AGAP1: variants seen among roughly 807,000 people sequenced by gnomAD.
AGAP1 encodes the protein ArfGAP with GTPase domain, ankyrin repeat and PH domain 1, also known as arf-GAP with GTPase, ANK repeat and PH domain-containing protein 1.
In AGAP1, 29 loss-of-function variants were observed where a neutral mutation model predicts 105.3. The ratio of observed to expected loss-of-function variants is 0.28; its 90% CI spans 0.21 to 0.38. The LOEUF (loss-of-function observed/expected upper bound fraction) is 0.38. Ranked by LOEUF, AGAP1 falls within the 10% of genes least tolerant of loss-of-function variation. The pLI, the probability that AGAP1 is intolerant of heterozygous loss-of-function variation, is 1.00. For synonymous variants in AGAP1, 509 were observed against 485.9 expected (o/e 1.05, Z -0.63); for missense variants, 998 against 1,165.1 (o/e 0.86, Z 2.09).
chr2:235,965,806 A>G lies in AGAP1; in HGVS notation c.1484-2656A>G, dbSNP rs964545070. Among the ~76,000 whole-genome samples the G allele has an allele frequency of 6.6e-6, 1 of 152,180 alleles. No homozygotes were observed. Among genetic ancestry groups the G allele is most frequent in the Non-Finnish European group, 1.5e-5 (1 of 68,034 alleles). ...TGGGGTTTAGGAAAGTGGGCATGAA[A>G]GATCTTGGGACCTCTGAGGACAGAA... On this transcript the variant is annotated intron_variant, in intron 12 of 17. Transcript: ENST00000304032. The surrounding 1 kb of genome is among the most constrained non-coding windows in gnomAD (Gnocchi z 5.8).
chr2:235,803,363 C>A (rs1957679310), intron 8 of AGAP1, among the ~76,000 whole-genome samples: 1 of 152,164 alleles, frequency 6.6e-6, no homozygotes, highest in Admixed American at 6.5e-5. Flanking sequence ...GACCAGTTTT[C>A]TTCTATTTTT....
chr2:235,814,585 C>G (rs924997908), intron 9 of AGAP1, among the ~76,000 whole-genome samples: 1 of 152,194 alleles, frequency 6.6e-6, no homozygotes, highest in Non-Finnish European at 1.5e-5. Flanking sequence ...CCCCCAGGCT[C>G]AGCTCAGGTG....
At chr2:235,760,457 G>A (rs1445303486) in intron 6 of AGAP1, among the ~76,000 whole-genome samples, 2 of 152,212 alleles carry the variant, frequency 1.3e-5, no homozygotes, top group Non-Finnish European at 2.9e-5. Flanking sequence ...ACATTTTCAG[G>A]AGTAATTTGA....
rs2049639774 is a variant in AGAP1, at chr2:235,874,957, G to A, written c.1051-8388G>A. 1.3e-5 allele frequency among the ~76,000 whole-genome samples: 2 copies of A among 152,204 alleles called. No individual in the cohort carries two copies. The highest frequency in any genetic ancestry group is 4.1e-4 in the South Asian group (2 of 4,832). On this transcript the variant is annotated intron_variant, in intron 9 of 17. Transcript: ENST00000304032. The surrounding 1 kb of genome is among the most constrained non-coding windows in gnomAD (Gnocchi z 4.5). ...TCCATTAGATAGGCAGTAACCTCTT[G>A]TGAAGCGGAAGCAAACTAGAAACAG...
rs1257435846 is a variant in AGAP1, at chr2:236,090,845, T to G, written c.2115-29347T>G. On this transcript the variant is annotated intron_variant, in intron 16 of 17. Coordinates refer to ENST00000304032, the MANE Select transcript of AGAP1 (RefSeq NM_001037131.3). The surrounding 1 kb of genome is among the most constrained non-coding windows in gnomAD (Gnocchi z 4.3). The stretch of plus-strand genomic sequence containing the variant: ...ACCCCCGCCTCCCAGGTTCAAGCGA[T>G]TCTCATGCCTCAGCCTCCTGAGTAG... Among the ~76,000 whole-genome samples, 1 of 152,208 alleles carries G rather than the reference T, an allele frequency of 6.6e-6. No individual in the cohort carries two copies. Among genetic ancestry groups the G allele is most frequent in the Admixed American group, 6.5e-5 (1 of 15,284 alleles).
Position 235,577,866 on chromosome 2 carries a change from G to A in AGAP1, c.163+83017G>A, listed in dbSNP as rs1012117495. 6.6e-5 allele frequency among the ~76,000 whole-genome samples: 10 copies of A among 151,970 alleles called. No homozygotes were observed. Among genetic ancestry groups the A allele is most frequent in the Non-Finnish European group, 1.5e-4 (10 of 68,010 alleles). ...TCTGCTCGCTGGGACCTGATAGTTC[G>A]CCTTTGTACGGATGAAAAAAACCAA... On this transcript the variant is annotated intron_variant, in intron 1 of 17. Coordinates refer to ENST00000304032, the MANE Select transcript of AGAP1 (RefSeq NM_001037131.3). This position sits in a 1 kb window ranked among gnomAD's most constrained non-coding sequence, Gnocchi z 4.5.
chr2:235,709,284 C>G, intron 2 of AGAP1, 47 bp downstream of exon 2: 1 of 1,587,328 alleles, frequency 6.3e-7, no homozygotes, highest in East Asian at 2.2e-5. Flanking sequence ...GGGAGGGGCT[C>G]TGTGCACACC....
rs78889590 is a variant in AGAP1 at position 235,731,154 on chromosome 2, A to G, written c.311-9809A>G. Among the ~76,000 whole-genome samples, 570 of 152,282 alleles carry G rather than the reference A, an allele frequency of 3.7e-3. 1 individual carries two copies. Among genetic ancestry groups the G allele is most frequent in the African/African-American group, 0.013 (540 of 41,550 alleles). On this transcript the variant is annotated intron_variant, in intron 3 of 17. Transcript: ENST00000304032. The stretch of plus-strand genomic sequence containing the variant: ...TTTGGTGGTGGTTGAGATGACCAAG[A>G]TGTTCTTGACCTGTGTAGGGTGGTA...
At chr2:235,500,533 G>A (rs970506333) in intron 1 of AGAP1, among the ~76,000 whole-genome samples, 54 of 152,218 alleles carry the variant, frequency 3.5e-4, no homozygotes, top group Non-Finnish European at 7.3e-5. Context: ...CTTCCTTGCT[G>A]TGCTTGTAGC....
At chr2:235,677,576 A>G (rs977215080) in intron 1 of AGAP1, among the ~76,000 whole-genome samples, 1 of 152,132 alleles carries the variant, frequency 6.6e-6, no homozygotes, top group East Asian at 1.9e-4. Context: ...TGTTGTGGTC[A>G]ACACACAGGA....
rs1316968011 is a variant in AGAP1, at chr2:235,865,098, G to A, written c.1051-18247G>A. ...TCATTATTAAAATGTGAAGTGTGTCGGTCACAAAGCATACATTTCGGGGCA... is the reference window on the plus strand; with the variant it reads ...TCATTATTAAAATGTGAAGTGTGTCAGTCACAAAGCATACATTTCGGGGCA... On this transcript the variant is annotated intron_variant, in intron 9 of 17. Transcript: ENST00000304032. The surrounding 1 kb of genome is among the most constrained non-coding windows in gnomAD (Gnocchi z 6.2). Among the ~76,000 whole-genome samples, 4 of 152,050 alleles carry A rather than the reference G, an allele frequency of 2.6e-5. No individual in the cohort carries two copies. Among genetic ancestry groups the A allele is most frequent in the African/African-American group, 7.2e-5 (3 of 41,386 alleles).
intron 6 of AGAP1, among the ~76,000 whole-genome samples, chr2:235,790,146 A>G (rs1956887226): frequency 6.6e-6 from 1 of 152,182 alleles, no homozygotes; most frequent in Non-Finnish European, 1.5e-5. Context: ...AACAAGGATA[A>G]TGAATTTCTC....
At chr2:235,997,310 A>T (rs1414500327) in intron 13 of AGAP1, among the ~76,000 whole-genome samples, 1 of 152,178 alleles carries the variant, frequency 6.6e-6, no homozygotes, top group African/African-American at 2.4e-5. Flanking sequence ...GCTGGTCTCG[A>T]ACTCCTGACC....
chr2:235,769,782 C>T lies in AGAP1; in HGVS notation c.673+19294C>T, dbSNP rs1229527109. On this transcript the variant is annotated intron_variant, in intron 6 of 17. Coordinates refer to ENST00000304032, the MANE Select transcript of AGAP1 (RefSeq NM_001037131.3). This position sits in a 1 kb window ranked among gnomAD's most constrained non-coding sequence, Gnocchi z 4.4. Reference sequence around the variant, plus strand: ...TCCTGGATCATGGGGGAGGCACAGGCGACGCTCCGAGGCAGCCTGGCTTGT... The same window carrying T: ...TCCTGGATCATGGGGGAGGCACAGGTGACGCTCCGAGGCAGCCTGGCTTGT... 6.6e-6 allele frequency among the ~76,000 whole-genome samples: 1 copy of T among 152,088 alleles called. No homozygotes were observed. Among genetic ancestry groups the T allele is most frequent in the African/African-American group, 2.4e-5 (1 of 41,408 alleles).
Position 235,883,338 on chromosome 2 carries a change from C to A in AGAP1, c.1051-7C>A. The A allele has an allele frequency of 6.2e-7, 1 of 1,611,924 alleles. No individual in the cohort carries two copies. On this transcript the variant is annotated splice_polypyrimidine_tract_variant and splice_region_variant and intron_variant, in intron 9 of 17. Transcript: ENST00000304032. This position sits in a 1 kb window ranked among gnomAD's most constrained non-coding sequence, Gnocchi z 4.5. ...AGAATTTCTATTTGGCTCTTTTTCC[C>A]TTGTAGGGCATGCTGTTGAAGCGAA...
Position 236,126,771 on chromosome 2 carries a change from AAAG to A in AGAP1, c.*2654_*2656del, listed in dbSNP as rs746046787. 6.6e-6 allele frequency: 1 copy of A among 152,114 alleles called. No homozygotes were observed. Among genetic ancestry groups the A allele is most frequent in the Non-Finnish European group, 1.5e-5 (1 of 68,022 alleles). 9.4% of individuals were successfully genotyped at this position (152,114 alleles called of 1,614,324 possible). A position where few individuals can be genotyped will look rare whatever the true frequency, so the allele number is the denominator to read the frequency against. On this transcript the variant is annotated 3_prime_UTR_variant, in exon 18 of 18. Transcript: ENST00000304032. Reference sequence around the variant, plus strand: ...GCAGTTTTTGAGGGTCTTTCGAAAAAAAGAAGACGGGGCAGCTTTGCCCAGAGC... The same window carrying A: ...GCAGTTTTTGAGGGTCTTTCGAAAAAAAGACGGGGCAGCTTTGCCCAGAGC...
In AGAP1 at chr2:235,739,077, G is replaced by A. The variant is rs1486398036; in HGVS notation, c.311-1886G>A. On this transcript the variant is annotated intron_variant, in intron 3 of 17. Coordinates refer to ENST00000304032, the MANE Select transcript of AGAP1 (RefSeq NM_001037131.3). This position sits in a 1 kb window ranked among gnomAD's most constrained non-coding sequence, Gnocchi z 5.3. ...CAGAAATTTCAAATAAGACTGGGTCGGGTACTGTTCAGGGTGCTTTGTGTC... is the reference window on the plus strand; with the variant it reads ...CAGAAATTTCAAATAAGACTGGGTCAGGTACTGTTCAGGGTGCTTTGTGTC... Among the ~76,000 whole-genome samples, 1 of 152,156 alleles carries A rather than the reference G, an allele frequency of 6.6e-6. No homozygotes were observed. The highest frequency in any genetic ancestry group is 1.5e-5 in the Non-Finnish European group (1 of 68,026).
chr2:235,781,543 G>A (rs1956264035), intron 6 of AGAP1, among the ~76,000 whole-genome samples: 1 of 152,128 alleles, frequency 6.6e-6, no homozygotes, highest in African/African-American at 2.4e-5. Context: ...GGCCAGAAAG[G>A]CACAAATGAA....
Position 236,124,432 on chromosome 2 carries a change from C to A in AGAP1, c.*310C>A. The A allele has an allele frequency of 2.7e-6, 1 of 375,312 alleles. No individual in the cohort carries two copies. The highest frequency in any genetic ancestry group is 4.9e-6 in the Non-Finnish European group (1 of 203,646). The allele number at this position is 375,312 out of a possible 1,614,324, so 23.2% of individuals were successfully genotyped here. A position where few individuals can be genotyped will look rare whatever the true frequency, so the allele number is the denominator to read the frequency against. On this transcript the variant is annotated 3_prime_UTR_variant, in exon 18 of 18. Transcript: ENST00000304032. This position sits in a 1 kb window ranked among gnomAD's most constrained non-coding sequence, Gnocchi z 5.1. Reference sequence around the variant, plus strand: ...TGGCGCAGGACCCTTGTCCTGGTGGCACAAGGGATGGGGACGCGAGGGGGA... The same window carrying A: ...TGGCGCAGGACCCTTGTCCTGGTGGAACAAGGGATGGGGACGCGAGGGGGA...
Sources: gnomAD v4.1 joint callset for allele counts (sites outside exome capture counted in the v4.1 genomes callset) on GRCh38, gnomAD v4.1.1 for gene constraint, Gnocchi (gnomAD v3.1) non-coding constraint, MANE v1.5 for transcripts, NCBI Gene and HGNC (gene_info 2026-07-23, HGNC 2026-07-21) for gene names.